Variants in ABCD2 observed in about 807,000 individuals in gnomAD.
ABCD2 encodes the protein ATP binding cassette subfamily D member 2.
ABCD2 carries 36 observed loss-of-function variants against 70.9 expected under a neutral mutation model. The ratio of observed to expected loss-of-function variants is 0.51; its 90% CI spans 0.39 to 0.67. ABCD2 has a LOEUF of 0.67. ABCD2 is among the 30% of genes least tolerant of loss of function. The pLI is 0.00. For missense variants in ABCD2, 729 were observed against 890.2 expected, an observed-to-expected ratio of 0.82 and a Z score of 2.30; for synonymous variants, 304 against 306.9, an observed-to-expected ratio of 0.99 and a Z score of 0.10.
At chr12:39,558,247 T>C (rs1398018596) in intron 9 of ABCD2, among the ~76,000 whole-genome samples, 3 of 152,250 alleles carry the variant, frequency 2.0e-5, no homozygotes, top group Admixed American at 1.3e-4. Flanking sequence ...CCCCTTCTTT[T>C]TGGCCAATTT....
intron 9 of ABCD2, among the ~76,000 whole-genome samples, chr12:39,571,639 C>G (rs7954602): frequency 0.99 from 151,127 of 152,314 alleles, 74,980 homozygotes; most frequent in East Asian, 1. Flanking sequence ...GAGATTCAAA[C>G]GCATGTTCTA....
At chr12:39,593,321 T>C (rs1339437067) in intron 6 of ABCD2, among the ~76,000 whole-genome samples, 2 of 152,212 alleles carry the variant, frequency 1.3e-5, no homozygotes, top group Non-Finnish European at 2.9e-5. Context: ...GGTGCAATCA[T>C]GGCTCACTGC....
intron 6 of ABCD2, among the ~76,000 whole-genome samples, chr12:39,598,786 A>G (rs1486134941): frequency 1.3e-5 from 2 of 152,230 alleles, no homozygotes; most frequent in Admixed American, 6.5e-5. Flanking sequence ...TTTCTTTTAC[A>G]TCATAAAAAC....
intron 1 of ABCD2, 94 bp from the exon 2 acceptor site, chr12:39,617,262 C>T: frequency 2.7e-6 from 2 of 733,982 alleles, no homozygotes; most frequent in Non-Finnish European, 3.9e-6. Flanking sequence ...TGCATCTTAA[C>T]CAATAAATGC....
At chr12:39,572,549 C>T (rs1377715199) in intron 9 of ABCD2, among the ~76,000 whole-genome samples, 1 of 152,138 alleles carries the variant, frequency 6.6e-6, no homozygotes, top group Non-Finnish European at 1.5e-5. Flanking sequence ...AATAGATTAT[C>T]TTTTCAATAT....
In ABCD2 at chr12:39,607,601, C is replaced by G; in HGVS notation, c.1234G>C (p.Glu412Gln). Residue 412 changes from glutamate to glutamine, a missense_variant and splice_region_variant, in exon 3 of 10, where the codon GAG becomes CAG. Around this residue, in one of 3 missense-constraint regions of ABCD2, gnomAD observed 195 missense variants for 300.2 expected, o/e 0.65. Coordinates refer to ENST00000308666, the MANE Select transcript of ABCD2 (RefSeq NM_005164.4). The stretch of plus-strand genomic sequence containing the variant: ...TTGACAATAAGAAATGCAAGTACCT[C>G]TTTGTATGAAGACATAATCCTTTCA... Reference protein sequence around the residue: ...AIERIMSSYKEVTELAGYTAR... With the variant: ...AIERIMSSYKQVTELAGYTAR... 1 of 1,593,842 alleles carries G rather than the reference C, an allele frequency of 6.3e-7. No individual in the cohort carries two copies. The highest frequency in any genetic ancestry group is 8.5e-7 in the Non-Finnish European group (1 of 1,170,088).
chr12:39,560,410 T>C (rs557329988), intron 9 of ABCD2, among the ~76,000 whole-genome samples: 2 of 152,326 alleles, frequency 1.3e-5, no homozygotes, highest in Admixed American at 6.5e-5. Flanking sequence ...CAGTCTATCA[T>C]TGATGGACAT....
At chr12:39,549,255 T>G (rs769532777), downstream of ABCD2, among the ~76,000 whole-genome samples, 1 of 152,038 alleles carries the variant, frequency 6.6e-6, no homozygotes, top group Non-Finnish European at 1.5e-5. Context: ...GGAATCCTGC[T>G]GCCAGAATAT....
At chr12:39,615,694 G>A (rs979777604) in intron 2 of ABCD2, among the ~76,000 whole-genome samples, 2 of 152,034 alleles carry the variant, frequency 1.3e-5, no homozygotes, top group South Asian at 2.1e-4. Context: ...TTTATGTTAA[G>A]AATAACTCAA....
At chr12:39,576,952 GA>G (rs1352671600) in intron 8 of ABCD2, among the ~76,000 whole-genome samples, 2 of 151,650 alleles carry the variant, frequency 1.3e-5, no homozygotes, top group Non-Finnish European at 2.9e-5. Context: ...TAGTAATACA[GA>G]AAAGCACATA....
At chr12:39,570,340 A>G (rs1941429352) in intron 9 of ABCD2, among the ~76,000 whole-genome samples, 1 of 152,238 alleles carries the variant, frequency 6.6e-6, no homozygotes, top group Non-Finnish European at 1.5e-5. Flanking sequence ...AAAATATACT[A>G]CCAAACTGTA....
the ABCD2 span, among the ~76,000 whole-genome samples, chr12:39,537,293 T>C: frequency 1.7e-4 from 26 of 151,752 alleles, no homozygotes; most frequent in African/African-American, 6.3e-4. Flanking sequence ...TCTCAGTTGA[T>C]GGTATATCCA....
At chr12:39,533,799 G>A in the ABCD2 span, among the ~76,000 whole-genome samples, 6 of 152,190 alleles carry the variant, frequency 3.9e-5, no homozygotes, top group African/African-American at 1.4e-4. Flanking sequence ...ACTATTCACA[G>A]CATCTTTAGG....
the ABCD2 span, among the ~76,000 whole-genome samples, chr12:39,540,082 G>A: frequency 2.0e-5 from 3 of 152,204 alleles, no homozygotes; most frequent in East Asian, 3.9e-4. Context: ...AGACCACATC[G>A]TCTGGCCCAC....
the ABCD2 span, among the ~76,000 whole-genome samples, chr12:39,543,819 A>G: frequency 6.6e-6 from 1 of 152,170 alleles, no homozygotes; most frequent in African/African-American, 2.4e-5. Context: ...TATTCCACAA[A>G]CATATATTAA....
chr12:39,594,703 G>A (rs748520827), intron 6 of ABCD2, among the ~76,000 whole-genome samples: 56 of 152,336 alleles, frequency 3.7e-4, no homozygotes, highest in Admixed American at 1.4e-3. Context: ...GCCAGGTAGA[G>A]TGGCTCACGT....
chr12:39,542,469 A>G, the ABCD2 span, among the ~76,000 whole-genome samples: 3 of 152,138 alleles, frequency 2.0e-5, no homozygotes, highest in Non-Finnish European at 4.4e-5. Context: ...CTCAAAAAAA[A>G]AAAAAAAGGA....
intron 9 of ABCD2, among the ~76,000 whole-genome samples, chr12:39,562,795 C>T (rs1243353098): frequency 6.6e-6 from 1 of 152,030 alleles, no homozygotes; most frequent in East Asian, 1.9e-4. Flanking sequence ...AGGAATACAT[C>T]CAAACTTATT....
chr12:39,586,014 A>G, intron 7 of ABCD2, 138 bp downstream of exon 7: 2 of 739,628 alleles, frequency 2.7e-6, no homozygotes, highest in South Asian at 2.8e-5. Context: ...TGGAACAGCA[A>G]TAAAACTCCA....
Sources: allele counts gnomAD v4.1 joint callset (sites outside exome capture counted in the v4.1 genomes callset), GRCh38; gene constraint gnomAD v4.1.1; regional missense constraint gnomAD v4.1.1; transcripts MANE v1.5; gene names NCBI Gene and HGNC (gene_info 2026-07-23, HGNC 2026-07-21).